The following CDC5L variants were observed in gnomAD, a reference collection of about 807,000 sequenced individuals.
CDC5L encodes cell division cycle 5-like protein.
CDC5L carries 18 observed loss-of-function variants against 104.1 expected under a neutral mutation model. That is an observed-to-expected ratio of 0.17 (90% CI 0.12 to 0.26). The LOEUF is 0.26. CDC5L is among the 10% of genes least tolerant of loss of function. The pLI, the probability that CDC5L is intolerant of heterozygous loss-of-function variation, is 1.00. For missense variants in CDC5L, 673 were observed against 956.9 expected (o/e 0.70, Z 3.91); for synonymous variants, 331 against 322.7 (o/e 1.03, Z -0.28).
At position 44,447,666 on chromosome 6, in the gene CDC5L, A is replaced by G. The variant is rs1265569842; in HGVS notation, c.*955A>G. ...GAAGGGATTCATTCATTCATTCGAT[A>G]TTGAATGTATACCCTGTGCCAGAGT... On this transcript the variant is annotated 3_prime_UTR_variant, in exon 16 of 16. Coordinates refer to ENST00000371477, the MANE Select transcript of CDC5L (RefSeq NM_001253.4). 6.6e-6 allele frequency: 1 copy of G among 152,200 alleles called. No individual in the cohort carries two copies. The highest frequency in any genetic ancestry group is 1.5e-5 in the Non-Finnish European group (1 of 68,034). The allele number at this position is 152,200 out of a possible 1,614,324, so 9.4% of individuals were successfully genotyped here. A position where few individuals can be genotyped will look rare whatever the true frequency, so the allele number is the denominator to read the frequency against.
intron 13 of CDC5L, among the ~76,000 whole-genome samples, chr6:44,427,721 G>A (rs760995883): frequency 9.9e-5 from 15 of 152,220 alleles, no homozygotes; most frequent in Non-Finnish European, 1.9e-4. Flanking sequence ...CTGTTGAGTT[G>A]CCTACTCTGT....
intron 11 of CDC5L, among the ~76,000 whole-genome samples, chr6:44,425,750 G>A (rs749406901): frequency 1.3e-5 from 2 of 152,070 alleles, no homozygotes; most frequent in Non-Finnish European, 2.9e-5. Flanking sequence ...CTGGCTTTTT[G>A]AGTTAAAAGT....
chr6:44,410,810 T>G (rs1791589526), intron 8 of CDC5L, among the ~76,000 whole-genome samples: 1 of 152,194 alleles, frequency 6.6e-6, no homozygotes. Context: ...GTAAAATTAT[T>G]TTGAATTAAA....
intron 14 of CDC5L, among the ~76,000 whole-genome samples, chr6:44,444,949 C>T (rs571624428): frequency 6.6e-6 from 1 of 152,290 alleles, no homozygotes; most frequent in East Asian, 1.9e-4. Flanking sequence ...CAGAAGGCTA[C>T]TTTTGCACTG....
chr6:44,434,240 T>G (rs1343090970), intron 14 of CDC5L, among the ~76,000 whole-genome samples: 1 of 152,230 alleles, frequency 6.6e-6, no homozygotes, highest in Non-Finnish European at 1.5e-5. Flanking sequence ...TGTATGCAGA[T>G]GTACAGTGCT....
Position 44,393,585 on chromosome 6 carries a change from C to T in CDC5L, c.439+12C>T, listed in dbSNP as rs749049257. ...TGATATGGATGAGGGTAAGTGTATG[C>T]TTTGAGGAATTTATTTCTTTGGTAA... On this transcript the variant is annotated intron_variant, in intron 4 of 15. Coordinates refer to ENST00000371477, the MANE Select transcript of CDC5L (RefSeq NM_001253.4). The T allele has an allele frequency of 2.5e-6, 4 of 1,605,518 alleles. No individual in the cohort carries two copies. In the South Asian group the frequency reaches 3.3e-5, roughly 13 times the overall value.
intron 8 of CDC5L, among the ~76,000 whole-genome samples, chr6:44,416,879 C>T (rs566834931): frequency 1.3e-5 from 2 of 152,286 alleles, no homozygotes; most frequent in South Asian, 2.1e-4. Flanking sequence ...AGATCTAAGC[C>T]TACATACGTT....
intron 8 of CDC5L, among the ~76,000 whole-genome samples, chr6:44,414,389 TG>T (rs1309572448): frequency 7.5e-3 from 165 of 22,036 alleles, no homozygotes; most frequent in African/African-American, 0.015. Flanking sequence ...GGCCTGTGTG[TG>T]TGTGTGTGTG....
chr6:44,413,682 C>G (rs1791765795), intron 8 of CDC5L, among the ~76,000 whole-genome samples: 1 of 152,082 alleles, frequency 6.6e-6, no homozygotes, highest in Non-Finnish European at 1.5e-5. Context: ...CTCTTGGGCT[C>G]AAGTGATCCT....
chr6:44,387,972 G>T, intron 1 of CDC5L, 104 bp downstream of exon 1: 1 of 1,047,326 alleles, frequency 9.5e-7, no homozygotes. Context: ...TGTGGGGTCT[G>T]CGTGGAGGGC....
intron 8 of CDC5L, among the ~76,000 whole-genome samples, chr6:44,413,610 G>A (rs754942761): frequency 1.3e-5 from 2 of 152,158 alleles, no homozygotes; most frequent in Admixed American, 1.3e-4. Flanking sequence ...TTGAGACATG[G>A]TCTTGCTCTG....
intron 7 of CDC5L, among the ~76,000 whole-genome samples, chr6:44,406,671 C>G (rs1165427915): frequency 6.6e-6 from 1 of 152,108 alleles, no homozygotes; most frequent in Non-Finnish European, 1.5e-5. Context: ...CTTTGGGAGA[C>G]CAGGACGGGC....
intron 7 of CDC5L, 115 bp from the exon 8 acceptor site, chr6:44,408,329 T>A: frequency 1.6e-6 from 1 of 625,132 alleles, no homozygotes; most frequent in Non-Finnish European, 2.6e-6. Context: ...CCCGAACTCC[T>A]GGGCTCAAAC....
chr6:44,410,966 A>G (rs1191893744), intron 8 of CDC5L, among the ~76,000 whole-genome samples: 1 of 150,078 alleles, frequency 6.7e-6, no homozygotes, highest in African/African-American at 2.4e-5. Flanking sequence ...TTACTATCAT[A>G]TATGTAATGT....
At chr6:44,434,011 T>C (rs1348612723) in intron 14 of CDC5L, among the ~76,000 whole-genome samples, 2 of 152,158 alleles carry the variant, frequency 1.3e-5, no homozygotes, top group African/African-American at 4.8e-5. Context: ...GGGAAGTGAC[T>C]TGTGGTACAG....
intron 1 of CDC5L, 139 bp downstream of exon 1, chr6:44,388,007 C>A: frequency 2.8e-6 from 2 of 720,862 alleles, no homozygotes; most frequent in African/African-American, 1.8e-5. Context: ...CCCTTGGGGC[C>A]CTTTCCGTGT....
At chr6:44,411,637 A>AGAGTGTGTGTGTGTGTGTGT in intron 8 of CDC5L, among the ~76,000 whole-genome samples, 1,760 of 123,668 alleles carry the variant, frequency 0.014, 32 homozygotes, top group African/African-American at 0.029. Context: ...AGAGAGAGAG[A>AGAGTGTGTGTGTGTGTGTGT]GTGTGTGTGT....
chr6:44,429,286 C>T (rs1052250535), intron 13 of CDC5L, among the ~76,000 whole-genome samples: 1 of 152,092 alleles, frequency 6.6e-6, no homozygotes, highest in Non-Finnish European at 1.5e-5. Context: ...TCCCGAAGTG[C>T]TGGGATCATA....
chr6:44,409,954 A>G (rs1278541157), intron 8 of CDC5L, among the ~76,000 whole-genome samples: 1 of 150,852 alleles, frequency 6.6e-6, no homozygotes, highest in South Asian at 2.1e-4. Flanking sequence ...TTTTTCATTG[A>G]TAAGGAAAAA....
Sources: gnomAD v4.1 joint callset for allele counts (sites outside exome capture counted in the v4.1 genomes callset) on GRCh38, gnomAD v4.1.1 for gene constraint, MANE v1.5 for transcripts, NCBI Gene and HGNC (gene_info 2026-07-23, HGNC 2026-07-21) for gene names.